PCDH19: variants seen among roughly 807,000 people sequenced by gnomAD.
The protein encoded by PCDH19 is protocadherin 19.
PCDH19 carries 6 observed loss-of-function variants against 46.2 expected under a neutral mutation model. The ratio of observed to expected loss-of-function variants is 0.13; its 90% CI spans 0.07 to 0.26. PCDH19 has a LOEUF of 0.26. PCDH19 is among the 10% of genes least tolerant of loss of function. The probability of loss-of-function intolerance (pLI) is 1.00; values close to 1 mark genes in which losing one functional copy is unlikely to be tolerated. For synonymous variants in PCDH19, 481 were observed against 415.7 expected, an observed-to-expected ratio of 1.16 and a Z score of -1.91; for missense variants, 740 against 972.3, an observed-to-expected ratio of 0.76 and a Z score of 3.18.
At chrX:100,340,210 T>C (rs1297684030) in intron 5 of PCDH19, among the ~76,000 whole-genome samples, 1 of 111,861 alleles carries the variant, frequency 8.9e-6, no homozygotes, top group African/African-American at 3.2e-5. Context: ...TATAGATATA[T>C]ACACACACAC....
At chrX:100,338,521 CAAAA>C (rs67274603) in intron 5 of PCDH19, among the ~76,000 whole-genome samples, 1 of 57,708 alleles carries the variant, frequency 1.7e-5, no homozygotes. Flanking sequence ...GACTCTGTCT[CAAAA>C]AAAAAAAAAA....
At chrX:100,309,660 A>T (rs1237891098) in intron 5 of PCDH19, among the ~76,000 whole-genome samples, 1 of 111,847 alleles carries the variant, frequency 8.9e-6, no homozygotes, top group African/African-American at 3.2e-5. Flanking sequence ...TGATGGGGTT[A>T]AAAACACTAG....
chrX:100,335,812 GT>G, intron 5 of PCDH19, among the ~76,000 whole-genome samples: 1 of 111,752 alleles, frequency 8.9e-6, no homozygotes, highest in Middle Eastern at 4.6e-3. Flanking sequence ...TCTGTTCATG[GT>G]TTATTCCTGC....
intron 5 of PCDH19, among the ~76,000 whole-genome samples, chrX:100,335,952 A>C (rs762162680): frequency 8.9e-6 from 1 of 112,309 alleles, no homozygotes; most frequent in South Asian, 3.7e-4. Context: ...CATTTTTTAA[A>C]GTCTCTATAT....
At chrX:100,362,638 A>G (rs1296091769) in intron 3 of PCDH19, among the ~76,000 whole-genome samples, 1 of 102,122 alleles carries the variant, frequency 9.8e-6, no homozygotes, top group African/African-American at 3.5e-5. Context: ...CTAAAAATAC[A>G]AAAAAAAAAA....
intron 5 of PCDH19, among the ~76,000 whole-genome samples, chrX:100,314,055 A>G (rs192777096): frequency 8.9e-6 from 1 of 112,033 alleles, no homozygotes; most frequent in Admixed American, 9.5e-5. Flanking sequence ...TAAAAAGTTT[A>G]TATTTTTAAC....
chrX:100,402,933 G>A lies in PCDH19; in HGVS notation c.2289-82C>T, dbSNP rs1041826629. ...TTAATAAACATTAAGCACCCCAGAG[G>A]GTTGCACCCCATCTCCGCTCCAGCT... On this transcript the variant is annotated intron_variant, in intron 2 of 5. Transcript: ENST00000373034. The A allele has an allele frequency of 8.1e-6, 6 of 737,827 alleles. No individual in the cohort carries two copies. The Admixed American group carries it at 1.2e-4, about 15-fold the overall frequency. 60.8% of individuals were successfully genotyped at this position (737,827 alleles called of 1,213,427 possible).
At chrX:100,361,066 C>T (rs1364506482) in intron 3 of PCDH19, among the ~76,000 whole-genome samples, 2 of 111,407 alleles carry the variant, frequency 1.8e-5, no homozygotes, top group Non-Finnish European at 3.8e-5. Flanking sequence ...GTGCTGGCAA[C>T]CATGCATAGA....
intron 5 of PCDH19, among the ~76,000 whole-genome samples, chrX:100,322,236 A>G (rs934365450): frequency 9.0e-6 from 1 of 111,016 alleles, no homozygotes; most frequent in African/African-American, 3.3e-5. Context: ...TTTTGAGTTG[A>G]TTTTTGTATA....
At chrX:100,347,856 A>G (rs1226650478) in intron 4 of PCDH19, among the ~76,000 whole-genome samples, 1 of 109,163 alleles carries the variant, frequency 9.2e-6, no homozygotes, top group Admixed American at 9.8e-5. Flanking sequence ...TGAGGTCAGG[A>G]GTTCAAGACC....
At chrX:100,303,980 T>G (rs1031432433) in intron 5 of PCDH19, among the ~76,000 whole-genome samples, 1 of 111,923 alleles carries the variant, frequency 8.9e-6, no homozygotes, top group African/African-American at 3.2e-5. Context: ...GGAGAAAAAT[T>G]TCCACATTTT....
intron 1 of PCDH19, among the ~76,000 whole-genome samples, chrX:100,404,742 C>G (rs1928295736): frequency 9.1e-6 from 1 of 110,341 alleles, no homozygotes; most frequent in South Asian, 3.9e-4. Flanking sequence ...ATCTTTATTT[C>G]AAGCTGATTT....
chrX:100,302,932 C>T lies in PCDH19; in HGVS notation c.2849-6057G>A, dbSNP rs186762185. 1.5e-3 allele frequency among the ~76,000 whole-genome samples: 164 copies of T among 111,619 alleles called. 1 individual carries two copies. The highest frequency in any genetic ancestry group is 5.0e-3 in the African/African-American group (154 of 30,721). ...GGTCAACGCCCCAGATACTGTCCCA[C>T]CCCAGATACTGTGCAACTCCTAAAG... On this transcript the variant is annotated intron_variant, in intron 5 of 5. Transcript: ENST00000373034.
chrX:100,357,477 T>C (rs1425233330), intron 3 of PCDH19, among the ~76,000 whole-genome samples: 2 of 112,189 alleles, frequency 1.8e-5, no homozygotes, highest in Non-Finnish European at 3.8e-5. Flanking sequence ...TGTGTCATTT[T>C]TTTCTCACCT....
chrX:100,320,312 T>G (rs1474046882), intron 5 of PCDH19, among the ~76,000 whole-genome samples: 1 of 112,079 alleles, frequency 8.9e-6, no homozygotes, highest in Non-Finnish European at 1.9e-5. Flanking sequence ...CATTTACAGA[T>G]GAAAAAAACT....
intron 3 of PCDH19, among the ~76,000 whole-genome samples, chrX:100,380,105 C>A (rs1469768624): frequency 1.8e-5 from 2 of 112,551 alleles, no homozygotes; most frequent in Admixed American, 9.4e-5. Flanking sequence ...ACAACCACCA[C>A]CTCCTGCCTC....
chrX:100,380,116 A>T (rs1477630876), intron 3 of PCDH19, among the ~76,000 whole-genome samples: 1 of 112,314 alleles, frequency 8.9e-6, no homozygotes, highest in East Asian at 2.8e-4. Flanking sequence ...CTCCTGCCTC[A>T]GCCTCTTTCC....
intron 3 of PCDH19, among the ~76,000 whole-genome samples, chrX:100,388,171 T>G (rs1927765370): frequency 9.0e-6 from 1 of 110,966 alleles, no homozygotes; most frequent in African/African-American, 3.3e-5. Flanking sequence ...TAGTCTTATG[T>G]GTGTGCATAT....
At chrX:100,337,860 G>A (rs907964944) in intron 5 of PCDH19, among the ~76,000 whole-genome samples, 1 of 111,628 alleles carries the variant, frequency 9.0e-6, no homozygotes, top group Non-Finnish European at 1.9e-5. Flanking sequence ...TAACCACCCC[G>A]ATTTAATTAT....
Sources: gnomAD v4.1 joint callset for allele counts (sites outside exome capture counted in the v4.1 genomes callset) on GRCh38, gnomAD v4.1.1 for gene constraint, MANE v1.5 for transcripts, NCBI Gene and HGNC (gene_info 2026-07-23, HGNC 2026-07-21) for gene names.